SCN8A: variants seen among roughly 807,000 people sequenced by gnomAD.
SCN8A encodes sodium channel protein type 8 subunit alpha.
A neutral mutation model predicts 184.1 loss-of-function variants in SCN8A; 30 were observed. That is an observed-to-expected ratio of 0.16 (90% CI 0.12 to 0.22). The LOEUF (loss-of-function observed/expected upper bound fraction) is 0.22, where lower values mean the gene tolerates loss of function less well. SCN8A is among the 10% of genes least tolerant of loss of function. The probability of loss-of-function intolerance (pLI) is 1.00; values close to 1 mark genes in which losing one functional copy is unlikely to be tolerated. For missense variants in SCN8A, 1,057 were observed against 2,498.9 expected (o/e 0.42, Z 12.30); for synonymous variants, 852 against 907.0 (o/e 0.94, Z 1.09).
chr12:51,806,309 A>C lies in SCN8A; in HGVS notation c.4823A>C (p.Lys1608Thr). ...VGMFLADIIE[K>T]YFVSPTLFRV... ...ATGTTCCTGGCAGATATAATTGAGA[A>C]ATACTTTGTTTCCCCAACCCTATTC... is the stretch of plus-strand genomic sequence containing the variant. The change falls in exon 27 of 27, where the codon AAA (lysine) becomes ACA (threonine). Residue 1608 changes from lysine to threonine, a missense_variant. Around this residue, in one of 19 missense-constraint regions of SCN8A, gnomAD observed 7 missense variants for 92.0 expected, o/e 0.08. Coordinates refer to ENST00000627620, the MANE Select transcript of SCN8A (RefSeq NM_001330260.2). The surrounding 1 kb of genome is among the most constrained non-coding windows in gnomAD (Gnocchi z 8.7). 1 of 1,521,972 alleles carries C rather than the reference A, an allele frequency of 6.6e-7. No homozygotes were observed. The highest frequency in any genetic ancestry group is 2.3e-5 in the East Asian group (1 of 44,072). 94.3% of individuals were successfully genotyped at this position (1,521,972 alleles called of 1,614,324 possible). A position where few individuals can be genotyped will look rare whatever the true frequency, so the allele number is the denominator to read the frequency against.
rs1383468785 is a variant in SCN8A at position 51,804,475 on chromosome 12, C to T, written c.4796-1807C>T. On this transcript the variant is annotated intron_variant, in intron 26 of 26. Transcript: ENST00000627620. ...CTCGGGTTACAGGCATGCGCCACCG[C>T]GCCCAGCTAATTTTTGTACCTTTTT... Among the ~76,000 whole-genome samples, 6 of 149,400 alleles carry T rather than the reference C, an allele frequency of 4.0e-5. No individual in the cohort carries two copies. The East Asian group carries it at 1.2e-3, about 30-fold the overall frequency.
chr12:51,687,462 A>G (rs1043403025), intron 5 of SCN8A, among the ~76,000 whole-genome samples: 1 of 152,142 alleles, frequency 6.6e-6, no homozygotes, highest in Non-Finnish European at 1.5e-5. Flanking sequence ...TGGGAGAGAA[A>G]GGAGGAGGTG....
intron 1 of SCN8A, among the ~76,000 whole-genome samples, chr12:51,609,904 A>G (rs1176056540): frequency 6.6e-6 from 1 of 152,024 alleles, no homozygotes; most frequent in Admixed American, 6.6e-5. Context: ...GCACACCAAC[A>G]TGGCACATGT....
chr12:51,762,773 T>C (rs1362756798), intron 15 of SCN8A, 97 bp downstream of exon 15: 2 of 1,136,930 alleles, frequency 1.8e-6, no homozygotes, highest in Non-Finnish European at 2.4e-6. Context: ...AAAAATATAT[T>C]AGCTGTATTT....
rs1254559997 is a variant in SCN8A, at chr12:51,704,636, C to G, written c.1135-781C>G. Among the ~76,000 whole-genome samples the G allele has an allele frequency of 2.2e-5, 3 of 137,916 alleles. No individual in the cohort carries two copies. In the East Asian group the frequency reaches 6.6e-4, roughly 30 times the overall value. 90.5% of individuals were successfully genotyped at this position (137,916 alleles called of 152,430 possible). ...AGTGAGCTGAGATGATGGCACTGCA[C>G]TCCAGCCTGGGTGACAGAGCAAGAC... is the stretch of plus-strand genomic sequence containing the variant. On this transcript the variant is annotated intron_variant, in intron 9 of 26. Transcript: ENST00000627620.
chr12:51,794,731 G>T (rs1161608793), intron 26 of SCN8A, 90 bp downstream of exon 26: 2 of 1,309,324 alleles, frequency 1.5e-6, no homozygotes, highest in African/African-American at 2.9e-5. Context: ...AATGACACAG[G>T]TCTGAAGTGC....
Position 51,721,747 on chromosome 12 carries a change from A to G in SCN8A, c.1837A>G (p.Ser613Gly), listed in dbSNP as rs749121003. ...CATCCGGGCCCGCGAGCGCCGGAGCAGCTACAGCGGCTACAGCGGCTACAG... is the reference window on the plus strand; with the variant it reads ...CATCCGGGCCCGCGAGCGCCGGAGCGGCTACAGCGGCTACAGCGGCTACAG... ...IPIRARERRS[S>G]YSGYSGYSQG... Residue 613 changes from serine (S) to glycine (G), a missense_variant, in exon 12 of 27, where the codon AGC becomes GGC. Transcript: ENST00000627620. 6.8e-6 allele frequency: 11 copies of G among 1,609,132 alleles called. No individual in the cohort carries two copies. Among genetic ancestry groups the G allele is most frequent in the African/African-American group, 1.3e-5 (1 of 74,854 alleles).
At chr12:51,621,050 G>C (rs938398366) in intron 1 of SCN8A, among the ~76,000 whole-genome samples, 5 of 152,090 alleles carry the variant, frequency 3.3e-5, no homozygotes, top group Admixed American at 3.3e-4. Context: ...GGAGAAATAT[G>C]ATGGTTCTTA....
chr12:51,688,955 TTGTGTC>T, intron 5 of SCN8A, 44 bp from the exon 6 acceptor site: 1 of 1,583,346 alleles, frequency 6.3e-7, no homozygotes, highest in Non-Finnish European at 8.7e-7. Context: ...GTGTTTGTGT[TTGTGTC>T]TGTGTTTGTC....
intron 1 of SCN8A, among the ~76,000 whole-genome samples, chr12:51,624,401 A>G (rs1327741782): frequency 1.3e-5 from 2 of 152,116 alleles, no homozygotes; most frequent in South Asian, 2.1e-4. Context: ...TTGGCTGCAT[A>G]AATGTCTTCT....
intron 18 of SCN8A, 53 bp downstream of exon 18, chr12:51,770,038 C>CA: frequency 7.9e-7 from 1 of 1,265,050 alleles, no homozygotes; most frequent in Non-Finnish European, 1.1e-6. Context: ...TGCTCACAGA[C>CA]ACAGTTGTGC....
intron 26 of SCN8A, among the ~76,000 whole-genome samples, chr12:51,803,203 C>T (rs1340316043): frequency 4.6e-5 from 7 of 152,206 alleles, no homozygotes; most frequent in Admixed American, 4.6e-4. Flanking sequence ...TGTAAAACCA[C>T]TGCTGTAAGT....
chr12:51,602,809 A>T (rs555418172), intron 1 of SCN8A, among the ~76,000 whole-genome samples: 1 of 152,158 alleles, frequency 6.6e-6, no homozygotes, highest in Admixed American at 6.5e-5. Context: ...TCCTAGTGGG[A>T]GACCTATTCC....
chr12:51,733,520 CTGT>C (rs1942277275), intron 12 of SCN8A, among the ~76,000 whole-genome samples: 1 of 151,944 alleles, frequency 6.6e-6, no homozygotes, highest in Non-Finnish European at 1.5e-5. Context: ...AGATATTAGC[CTGT>C]TGTTTTCTTT....
intron 16 of SCN8A, 81 bp downstream of exon 16, chr12:51,766,108 C>G: frequency 9.7e-7 from 1 of 1,035,578 alleles, no homozygotes; most frequent in Non-Finnish European, 1.5e-6. Context: ...CCTTCTACTG[C>G]TTAGTCCTTC....
At chr12:51,649,251 A>G (rs1410455942) in intron 1 of SCN8A, among the ~76,000 whole-genome samples, 1 of 152,148 alleles carries the variant, frequency 6.6e-6, no homozygotes, top group African/African-American at 2.4e-5. Flanking sequence ...AGCTGCTTTC[A>G]CAGGCTGGCA....
chr12:51,700,108 G>C (rs761036552), intron 7 of SCN8A, among the ~76,000 whole-genome samples: 2 of 151,380 alleles, frequency 1.3e-5, no homozygotes, highest in Non-Finnish European at 2.9e-5. Flanking sequence ...GGAGGTTGCG[G>C]TGAGCCAAGA....
In SCN8A at chr12:51,807,948, G is replaced by GC. The variant is rs1490815101; in HGVS notation, c.*520dup. 5.9e-6 allele frequency: 1 copy of GC among 168,566 alleles called. No individual in the cohort carries two copies. The highest frequency in any genetic ancestry group is 1.3e-5 in the Non-Finnish European group (1 of 76,434). The allele number at this position is 168,566 out of a possible 1,614,324, so 10.4% of individuals were successfully genotyped here. ...ATTGTCAGTTTCTTTGACATAAAGC[G>GC]CATCTTCTCCACATGGGCTTCACGT... On this transcript the variant is annotated 3_prime_UTR_variant, in exon 27 of 27. Transcript: ENST00000627620. The surrounding 1 kb of genome is among the most constrained non-coding windows in gnomAD (Gnocchi z 4.5).
intron 26 of SCN8A, among the ~76,000 whole-genome samples, chr12:51,803,820 TA>T (rs1240539506): frequency 6.6e-6 from 1 of 152,174 alleles, no homozygotes; most frequent in African/African-American, 2.4e-5. Flanking sequence ...AAGGCTCAAA[TA>T]TCCCATGGAA....
Sources: allele counts gnomAD v4.1 joint callset (sites outside exome capture counted in the v4.1 genomes callset), GRCh38; gene constraint gnomAD v4.1.1; regional missense constraint gnomAD v4.1.1; non-coding constraint Gnocchi (gnomAD v3.1); transcripts MANE v1.5; gene names NCBI Gene and HGNC (gene_info 2026-07-23, HGNC 2026-07-21).